Variants in SPAG7 observed in about 807,000 individuals in gnomAD.
SPAG7 encodes the protein sperm associated antigen 7, also known as sperm-associated antigen 7.
A neutral mutation model predicts 30.6 loss-of-function variants in SPAG7; 20 were observed. The ratio of observed to expected loss-of-function variants is 0.65; its 90% CI spans 0.46 to 0.95. SPAG7 has a LOEUF of 0.95. SPAG7 is among the 40% of genes least tolerant of loss of function. The pLI is 0.00. For synonymous variants in SPAG7, 127 were observed against 104.2 expected (o/e 1.22, Z -1.33); for missense variants, 276 against 291.1 (o/e 0.95, Z 0.38).
In SPAG7 at chr17:4,959,282, T is replaced by C. The variant is rs757922382; in HGVS notation, c.*252A>G. ...TACCCCAGCCCCATGGGGAAGAAAA[T>C]TCCAAGAACGGGGAATAATACAGAT... is the stretch of plus-strand genomic sequence containing the variant. On this transcript the variant is annotated 3_prime_UTR_variant, in exon 7 of 7. Coordinates refer to ENST00000206020, the MANE Select transcript of SPAG7 (RefSeq NM_004890.3). The C allele has an allele frequency of 1.8e-6, 1 of 546,218 alleles. No individual in the cohort carries two copies. Among genetic ancestry groups the C allele is most frequent in the Non-Finnish European group, 3.3e-6 (1 of 307,662 alleles). 33.8% of individuals were successfully genotyped at this position (546,218 alleles called of 1,614,324 possible). A position where few individuals can be genotyped will look rare whatever the true frequency, so the allele number is the denominator to read the frequency against.
rs1409038498 is a variant in SPAG7 at position 4,960,322 on chromosome 17, G to A, written c.243-4C>T. The A allele has an allele frequency of 6.2e-7, 1 of 1,613,746 alleles. No homozygotes were observed. The highest frequency in any genetic ancestry group is 2.2e-5 in the East Asian group (1 of 44,898). On this transcript the variant is annotated splice_polypyrimidine_tract_variant and splice_region_variant and intron_variant, in intron 3 of 6. Transcript: ENST00000206020. ...AGCCACTTCCACCACATCATGTCTG[G>A]GATGGGATGGCAGAGGGGAAAGAGC...
At position 4,959,574 on chromosome 17, in the gene SPAG7, C is replaced by G; in HGVS notation, c.644G>C (p.Arg215Pro). The change falls in exon 7 of 7, where the codon CGT (arginine) becomes CCT (proline). Residue 215 changes from arginine to proline, a missense_variant. Coordinates refer to ENST00000206020, the MANE Select transcript of SPAG7 (RefSeq NM_004890.3). ...EAMNEIRAKK[R>P]LRQSGEELPP... ...CAACTCTTCCCCACTCTGCCGCAGA[C>G]GCTTCTTGGCTCTGATCTCATTCAT... 1.9e-6 allele frequency: 3 copies of G among 1,614,064 alleles called. No homozygotes were observed. Among genetic ancestry groups the G allele is most frequent in the Non-Finnish European group, 2.5e-6 (3 of 1,180,028 alleles).
chr17:4,959,568 C>T lies in SPAG7; in HGVS notation c.650G>A (p.Arg217Gln), dbSNP rs763809206. 1.1e-5 allele frequency: 18 copies of T among 1,613,838 alleles called. No homozygotes were observed. The highest frequency in any genetic ancestry group is 2.2e-5 in the East Asian group (1 of 44,892). Residue 217 changes from arginine to glutamine, a missense_variant, in exon 7 of 7, where the codon CGG (arginine) becomes CAG (glutamine). By Grantham distance (43) the Arg-to-Gln change is conservative (BLOSUM62 1). Coordinates refer to ENST00000206020, the MANE Select transcript of SPAG7 (RefSeq NM_004890.3). ...MNEIRAKKRLRQSGEELPPTS is the reference protein window; with the variant it reads ...MNEIRAKKRLQQSGEELPPTS ...TGGCGGCAACTCTTCCCCACTCTGCCGCAGACGCTTCTTGGCTCTGATCTC... is the reference window on the plus strand; with the variant it reads ...TGGCGGCAACTCTTCCCCACTCTGCTGCAGACGCTTCTTGGCTCTGATCTC...
At chr17:4,964,071 G>A (rs1205375708) in intron 1 of SPAG7, among the ~76,000 whole-genome samples, 2 of 152,060 alleles carry the variant, frequency 1.3e-5, no homozygotes, top group Non-Finnish European at 2.9e-5. Flanking sequence ...TTGAGGCTGG[G>A]AGTTCAAGAC....
rs575240670 is a variant in SPAG7, at chr17:4,959,314, C to T, written c.*220G>A. The T allele has an allele frequency of 1.2e-5, 7 of 586,676 alleles. No individual in the cohort carries two copies. The highest frequency in any genetic ancestry group is 1.1e-4 in the African/African-American group (6 of 53,720). The allele number at this position is 586,676 out of a possible 1,614,324, so 36.3% of individuals were successfully genotyped here. ...AACGGGGAATAATACAGATTAAATACCCACCTGTGCATTCACACTCTCACA... is the reference window on the plus strand; with the variant it reads ...AACGGGGAATAATACAGATTAAATATCCACCTGTGCATTCACACTCTCACA... On this transcript the variant is annotated 3_prime_UTR_variant, in exon 7 of 7. Transcript: ENST00000206020.
intron 1 of SPAG7, among the ~76,000 whole-genome samples, chr17:4,965,076 A>AT (rs1251057077): frequency 2.6e-5 from 4 of 151,654 alleles, no homozygotes; most frequent in Admixed American, 6.6e-5. Flanking sequence ...CACCTGGCTA[A>AT]TTTTTTCATT....
intron 1 of SPAG7, among the ~76,000 whole-genome samples, chr17:4,961,493 C>T (rs1478209058): frequency 4.8e-5 from 7 of 144,968 alleles, no homozygotes; most frequent in Admixed American, 1.4e-4. Flanking sequence ...CAGTGGCTCA[C>T]ACCTGTAATC....
At chr17:4,963,451 A>ATTTTTTTT (rs35484038) in intron 1 of SPAG7, among the ~76,000 whole-genome samples, 9 of 103,226 alleles carry the variant, frequency 8.7e-5, no homozygotes, top group African/African-American at 1.2e-4. Context: ...GGAAAGGGGA[A>ATTTTTTTT]TTTTTTTTTT....
rs1454168011 is a variant in SPAG7 at position 4,967,735 on chromosome 17, G to T, written c.70C>A (p.Arg24=). Residue 24 remains arginine, a synonymous_variant, in exon 1 of 7, where the codon CGG becomes AGG. Coordinates refer to ENST00000206020, the MANE Select transcript of SPAG7 (RefSeq NM_004890.3). ...KPPSLGDQET[R]RKAREQAARL... ...GGATCCTCACCTCGGGCCTTGCGCC[G>T]AGTCTCCTGGTCACCGAGGCTGGGT... 3.7e-6 allele frequency: 6 copies of T among 1,613,748 alleles called. No individual in the cohort carries two copies. The highest frequency in any genetic ancestry group is 1.1e-5 in the South Asian group (1 of 91,074).
chr17:4,965,000 C>T (rs945085289), intron 1 of SPAG7, among the ~76,000 whole-genome samples: 1 of 152,164 alleles, frequency 6.6e-6, no homozygotes, highest in African/African-American at 2.4e-5. Flanking sequence ...ACCTCTGCCT[C>T]CCGGGTTCAA....
intron 1 of SPAG7, among the ~76,000 whole-genome samples, chr17:4,963,458 T>C (rs1189112123): frequency 6.9e-6 from 1 of 144,472 alleles, no homozygotes; most frequent in Non-Finnish European, 1.5e-5. Context: ...GGAATTTTTT[T>C]TTTTTTTTTT....
chr17:4,965,703 A>G (rs1971937885), intron 1 of SPAG7: 1 of 151,724 alleles, frequency 6.6e-6, no homozygotes, highest in Non-Finnish European at 1.5e-5. Context: ...TCATCGCCCA[A>G]AATGGAGTGC....
chr17:4,960,889 G>A, intron 1 of SPAG7, 36 bp from the exon 2 acceptor site: 2 of 1,594,324 alleles, frequency 1.3e-6, no homozygotes, highest in Non-Finnish European at 1.7e-6. Context: ...AGCCAGGGCT[G>A]GAAGCATGGG....
intron 1 of SPAG7, among the ~76,000 whole-genome samples, chr17:4,965,001 C>G (rs914611632): frequency 6.6e-6 from 1 of 152,114 alleles, no homozygotes; most frequent in African/African-American, 2.4e-5. Context: ...CCTCTGCCTC[C>G]CGGGTTCAAG....
At chr17:4,967,640 A>C (rs1309926199) in intron 1 of SPAG7, 80 bp downstream of exon 1, 11 of 1,087,656 alleles carry the variant, frequency 1.0e-5, no homozygotes, top group South Asian at 2.6e-5. Context: ...AAGGTTGAGG[A>C]GGCGGCATCG....
Position 4,959,504 on chromosome 17 carries a change from C to G in SPAG7, c.*30G>C. On this transcript the variant is annotated 3_prime_UTR_variant, in exon 7 of 7. Coordinates refer to ENST00000206020, the MANE Select transcript of SPAG7 (RefSeq NM_004890.3). Reference sequence around the variant, plus strand: ...GTCTCTCCCTGCCCCCTGCCCTGCCCCAGGGGTCAAAGGGAGCTGGGCGGG... The same window carrying G: ...GTCTCTCCCTGCCCCCTGCCCTGCCGCAGGGGTCAAAGGGAGCTGGGCGGG... 3 of 1,579,122 alleles carry G rather than the reference C, an allele frequency of 1.9e-6. No homozygotes were observed. Among genetic ancestry groups the G allele is most frequent in the Non-Finnish European group, 2.6e-6 (3 of 1,152,992 alleles).
intron 1 of SPAG7, among the ~76,000 whole-genome samples, chr17:4,961,215 G>A (rs1971856745): frequency 6.6e-6 from 1 of 152,150 alleles, no homozygotes; most frequent in African/African-American, 2.4e-5. Context: ...CCAGCACTTT[G>A]GGAGGCCGAG....
At chr17:4,966,981 G>A (rs1971966389) in intron 1 of SPAG7, 1 of 985,556 alleles carries the variant, frequency 1.0e-6, no homozygotes, top group Non-Finnish European at 1.2e-6. Context: ...GCAGCCCCGG[G>A]GAGGCTCCCA....
At chr17:4,961,783 A>G (rs1004194322) in intron 1 of SPAG7, among the ~76,000 whole-genome samples, 43 of 149,710 alleles carry the variant, frequency 2.9e-4, no homozygotes, top group South Asian at 4.2e-4. Context: ...AAAAAAAAAA[A>G]AGAGATTAAG....
Sources: gnomAD v4.1 joint callset for allele counts (sites outside exome capture counted in the v4.1 genomes callset) on GRCh38, gnomAD v4.1.1 for gene constraint, MANE v1.5 for transcripts, NCBI Gene and HGNC (gene_info 2026-07-23, HGNC 2026-07-21) for gene names.